GABPB1: variants seen among roughly 807,000 people sequenced by gnomAD.
GABPB1 encodes GA binding protein transcription factor subunit beta 1.
A neutral mutation model predicts 45.9 loss-of-function variants in GABPB1; 15 were observed. That is an observed-to-expected ratio of 0.33 (90% CI 0.22 to 0.50). The LOEUF (loss-of-function observed/expected upper bound fraction) is 0.50, where lower values mean the gene tolerates loss of function less well. GABPB1 is among the 20% of genes least tolerant of loss of function. GABPB1 has a pLI of 0.98. For missense variants in GABPB1, 252 were observed against 457.5 expected, an observed-to-expected ratio of 0.55 and a Z score of 4.10; for synonymous variants, 143 against 154.4, an observed-to-expected ratio of 0.93 and a Z score of 0.55.
rs761925040 is a variant in GABPB1, at chr15:50,304,150, A to G, written c.109-17T>C. 131 of 1,560,018 alleles carry G rather than the reference A, an allele frequency of 8.4e-5. 2 individuals carry two copies. The Admixed American group carries it at 2.6e-3, about 31-fold the overall frequency. ...AGTTCCCAGCTGTACCACAGAAAAA[A>G]AAAAAAATCCACATTTACATTATTG... On this transcript the variant is annotated splice_polypyrimidine_tract_variant and intron_variant, in intron 2 of 8. Transcript: ENST00000380877.
At chr15:50,289,716 A>C (rs1244917965) in intron 6 of GABPB1, 48 bp from the exon 7 acceptor site, 12 of 1,424,902 alleles carry the variant, frequency 8.4e-6, no homozygotes, top group African/African-American at 1.5e-5. Context: ...AACGGTATGA[A>C]TAGAAACCTA....
intron 1 of GABPB1, among the ~76,000 whole-genome samples, chr15:50,315,407 T>C (rs1309185533): frequency 7.2e-5 from 11 of 152,160 alleles, no homozygotes; most frequent in Admixed American, 5.2e-4. Context: ...GCTGGGACTA[T>C]AGGCATGAGC....
rs569094107 is a variant in GABPB1, at chr15:50,341,210, A to G, written c.-1+13775T>C. 1.7e-3 allele frequency among the ~76,000 whole-genome samples: 262 copies of G among 152,230 alleles called. 2 individuals are homozygous for G. Among genetic ancestry groups the G allele is most frequent in the South Asian group, 8.5e-3 (41 of 4,818 alleles). ...TGCATTCCAATCACCTACAGAATAC[A>G]GTGGCACTGACCATATGTATATTTA... On this transcript the variant is annotated intron_variant, in intron 1 of 8. Coordinates refer to ENST00000380877, the MANE Select transcript of GABPB1 (RefSeq NM_016654.5).
intron 1 of GABPB1, among the ~76,000 whole-genome samples, chr15:50,347,151 C>A (rs1412191291): frequency 7.9e-5 from 12 of 152,042 alleles, no homozygotes; most frequent in African/African-American, 2.9e-4. Context: ...GAGCTAATCA[C>A]CTCCCAAAGG....
At chr15:50,321,976 T>C (rs1307139406) in intron 1 of GABPB1, among the ~76,000 whole-genome samples, 1 of 102,434 alleles carries the variant, frequency 9.8e-6, no homozygotes, top group African/African-American at 4.5e-5. Flanking sequence ...AATTAACAGA[T>C]GTGACCAAAA....
chr15:50,341,500 T>C (rs1042665106), intron 1 of GABPB1, among the ~76,000 whole-genome samples: 1 of 151,594 alleles, frequency 6.6e-6, no homozygotes, highest in South Asian at 2.1e-4. Flanking sequence ...GCCATTGCAC[T>C]CCAGCCTGGG....
At chr15:50,285,766 C>T (rs903191800) in intron 8 of GABPB1, 35 of 1,104,948 alleles carry the variant, frequency 3.2e-5, no homozygotes, top group African/African-American at 8.1e-5. Context: ...CCTTTAGTGA[C>T]GTGTAAGAAT....
chr15:50,351,647 AAGGAGAG>A (rs903767785), intron 1 of GABPB1: 1 of 115,512 alleles, frequency 8.7e-6, no homozygotes, highest in African/African-American at 3.3e-5. Flanking sequence ...ACAGAGGGAG[AAGGAGAG>A]AGGAAAGAGG....
At chr15:50,304,927 T>C (rs1471975479) in intron 2 of GABPB1, among the ~76,000 whole-genome samples, 1 of 152,194 alleles carries the variant, frequency 6.6e-6, no homozygotes. Context: ...ATCTCAGTGA[T>C]CTTTTTAAAG....
intron 1 of GABPB1, among the ~76,000 whole-genome samples, chr15:50,341,708 T>G (rs1339482136): frequency 6.6e-6 from 1 of 152,148 alleles, no homozygotes; most frequent in Non-Finnish European, 1.5e-5. Context: ...TTTATAAGAT[T>G]TTATTTTGTA....
chr15:50,298,913 C>A (rs2046620088), intron 6 of GABPB1, among the ~76,000 whole-genome samples: 1 of 145,034 alleles, frequency 6.9e-6, no homozygotes, highest in Non-Finnish European at 1.5e-5. Flanking sequence ...AACTGTACCA[C>A]TGTACTCCAG....
intron 1 of GABPB1, among the ~76,000 whole-genome samples, chr15:50,321,206 T>G (rs1230147621): frequency 6.6e-6 from 1 of 152,214 alleles, no homozygotes; most frequent in Non-Finnish European, 1.5e-5. Context: ...TTGCTAGACT[T>G]GTTTAAAATC....
At position 50,277,626 on chromosome 15, in the gene GABPB1, T is replaced by C. The variant is rs1475103274; in HGVS notation, c.*1006A>G. 7.9e-5 allele frequency: 12 copies of C among 152,674 alleles called. No individual in the cohort carries two copies. Among genetic ancestry groups the C allele is most frequent in the Admixed American group, 7.2e-4 (11 of 15,304 alleles). The allele number at this position is 152,674 out of a possible 1,614,324, so 9.5% of individuals were successfully genotyped here. A position where few individuals can be genotyped will look rare whatever the true frequency, so the allele number is the denominator to read the frequency against. ...GTTCCTGTTCTACATACAAAAGCAA[T>C]TTTTTTCCGTAAGAATCATTTCCTG... On this transcript the variant is annotated 3_prime_UTR_variant, in exon 9 of 9. Transcript: ENST00000380877.
chr15:50,301,069 TTG>T (rs2046725494), intron 5 of GABPB1, 167 bp from the exon 6 acceptor site: 1 of 898,660 alleles, frequency 1.1e-6, no homozygotes, highest in Admixed American at 2.5e-5. Context: ...TCAGATTGTT[TTG>T]TCTCATAAAA....
intron 1 of GABPB1, among the ~76,000 whole-genome samples, chr15:50,345,704 C>G (rs1200883915): frequency 7.2e-6 from 1 of 138,410 alleles, no homozygotes; most frequent in Non-Finnish European, 1.6e-5. Flanking sequence ...GTACAGATGT[C>G]TGTACATTTT....
At chr15:50,303,769 A>T (rs538484462) in intron 3 of GABPB1, among the ~76,000 whole-genome samples, 197 bp downstream of exon 3, 1 of 151,362 alleles carries the variant, frequency 6.6e-6, no homozygotes, top group Non-Finnish European at 1.5e-5. Context: ...GATTTAACTA[A>T]GAATATACCT....
At chr15:50,306,690 CCA>C (rs1414179677) in intron 2 of GABPB1, among the ~76,000 whole-genome samples, 4 of 151,762 alleles carry the variant, frequency 2.6e-5, no homozygotes, top group Admixed American at 6.6e-5. Context: ...TCCCCCAGCC[CCA>C]GAGGTAACTA....
intron 1 of GABPB1, among the ~76,000 whole-genome samples, chr15:50,344,967 G>A (rs2048511430): frequency 6.6e-6 from 1 of 152,142 alleles, no homozygotes; most frequent in African/African-American, 2.4e-5. Context: ...AAATCTAAAA[G>A]TGATGGAAAT....
rs1223252559 is a variant in GABPB1 at position 50,278,182 on chromosome 15, G to A, written c.*450C>T. 6.5e-6 allele frequency: 1 copy of A among 152,724 alleles called. No individual in the cohort carries two copies. Among genetic ancestry groups the A allele is most frequent in the African/African-American group, 2.4e-5 (1 of 41,436 alleles). The allele number at this position is 152,724 out of a possible 1,614,324, so 9.5% of individuals were successfully genotyped here. A position where few individuals can be genotyped will look rare whatever the true frequency, so the allele number is the denominator to read the frequency against. ...AAAGCTGTACAAAGATTTCCTGGGA[G>A]AAATCTTCTCTTCATACAGAGGTTT... On this transcript the variant is annotated 3_prime_UTR_variant, in exon 9 of 9. Coordinates refer to ENST00000380877, the MANE Select transcript of GABPB1 (RefSeq NM_016654.5).
Sources: allele counts gnomAD v4.1 joint callset (sites outside exome capture counted in the v4.1 genomes callset), GRCh38; gene constraint gnomAD v4.1.1; transcripts MANE v1.5; gene names NCBI Gene and HGNC (gene_info 2026-07-23, HGNC 2026-07-21).